The following SH3TC2 variants were observed in gnomAD, a reference collection of about 807,000 sequenced individuals.
SH3TC2 encodes SH3 domain and tetratricopeptide repeats 2.
Under a neutral mutation model 124.5 loss-of-function variants are expected in SH3TC2, and 87 were observed. The ratio of observed to expected loss-of-function variants is 0.70; its 90% confidence interval spans 0.59 to 0.84. SH3TC2 has a LOEUF of 0.84. Among genes scored for constraint, SH3TC2 ranks in the 40% least tolerant of loss-of-function variants. SH3TC2 has a pLI of 0.00. For missense variants in SH3TC2, 1,536 were observed against 1,566.4 expected, an observed-to-expected ratio of 0.98 and a Z score of 0.33; for synonymous variants, 634 against 628.5, an observed-to-expected ratio of 1.01 and a Z score of -0.13.
At chr5:149,025,915 T>C (rs1754054944) in intron 12 of SH3TC2, 1 of 152,476 alleles carries the variant, frequency 6.6e-6, no homozygotes, top group Admixed American at 6.5e-5. Context: ...AAGTCAACAC[T>C]CCTTTTATTC....
At chr5:149,057,885 G>T (rs1051661074) in intron 1 of SH3TC2, among the ~76,000 whole-genome samples, 1 of 152,138 alleles carries the variant, frequency 6.6e-6, no homozygotes. Flanking sequence ...ATCCAACTGG[G>T]TTATGCAGTG....
chr5:149,039,058 C>T lies in SH3TC2; in HGVS notation c.806-568G>A, dbSNP rs1054474583. On this transcript the variant is annotated intron_variant, in intron 7 of 16. Transcript: ENST00000515425. ...AGATACAGTGCACAATGCCTGGTAC[C>T]TGGTCAACCCTCAATAAACATTAGC... is the stretch of plus-strand genomic sequence containing the variant. Among the ~76,000 whole-genome samples the T allele has an allele frequency of 2.0e-5, 3 of 152,220 alleles. No homozygotes were observed. In the East Asian group the frequency reaches 5.8e-4, roughly 29 times the overall value.
rs1051193293 is a variant in SH3TC2 at position 148,986,346 on chromosome 5, A to T, written c.*18365T>A. Among the ~76,000 whole-genome samples, 1 of 152,230 alleles carries T rather than the reference A, an allele frequency of 6.6e-6. No individual in the cohort carries two copies. Among genetic ancestry groups the T allele is most frequent in the Non-Finnish European group, 1.5e-5 (1 of 68,038 alleles). On this transcript the variant is annotated 3_prime_UTR_variant, in exon 17 of 17. Transcript: ENST00000515425. ...AAATCATGTGATTACTAAATGTTAG[A>T]ACTAAAAGAACCTTAGAGATCTTCC...
At chr5:149,059,538 CA>C (rs1437659687) in intron 1 of SH3TC2, among the ~76,000 whole-genome samples, 6 of 151,130 alleles carry the variant, frequency 4.0e-5, no homozygotes, top group African/African-American at 1.2e-4. Context: ...GACCTACCAT[CA>C]GCAGTTTTTA....
chr5:149,008,712 C>T (rs561135143), intron 15 of SH3TC2, 139 bp downstream of exon 15: 59 of 1,234,706 alleles, frequency 4.8e-5, no homozygotes, highest in Middle Eastern at 2.7e-4. Context: ...ACTTGCTTAA[C>T]TAAGGTCTCT....
rs1753764885 is a variant in SH3TC2, at chr5:149,010,405, G to T, written c.3205-13C>A. On this transcript the variant is annotated splice_polypyrimidine_tract_variant and intron_variant, in intron 13 of 16. Coordinates refer to ENST00000515425, the MANE Select transcript of SH3TC2 (RefSeq NM_024577.4). ...TCTGGATGGCTGCCTAGGTGGGACA[G>T]AGACAGCTGTTAAAGGCAGAGAGGA... The T allele has an allele frequency of 6.2e-7, 1 of 1,613,610 alleles. No individual in the cohort carries two copies. Among genetic ancestry groups the T allele is most frequent in the Admixed American group, 1.7e-5 (1 of 60,026 alleles).
At chr5:149,062,000 A>T (rs190306084) in intron 1 of SH3TC2, among the ~76,000 whole-genome samples, 108 of 152,128 alleles carry the variant, frequency 7.1e-4, no homozygotes, top group African/African-American at 2.4e-3. Flanking sequence ...CACTTTAATG[A>T]CCTCAAGTGC....
In SH3TC2 at chr5:149,001,649, G is replaced by A. The variant is rs533711716; in HGVS notation, c.*3062C>T. 6.6e-6 allele frequency: 1 copy of A among 152,250 alleles called. No individual in the cohort carries two copies. The highest frequency in any genetic ancestry group is 2.1e-4 in the South Asian group (1 of 4,822). The allele number at this position is 152,250 out of a possible 1,614,324, so 9.4% of individuals were successfully genotyped here. A position where few individuals can be genotyped will look rare whatever the true frequency, so the allele number is the denominator to read the frequency against. On this transcript the variant is annotated 3_prime_UTR_variant, in exon 17 of 17. Coordinates refer to ENST00000515425, the MANE Select transcript of SH3TC2 (RefSeq NM_024577.4). ...TTAGCAAGCGGTTTACATATAGAAT[G>A]TAGTAATTGCAATTATATAGCACAA... is the stretch of plus-strand genomic sequence containing the variant.
intron 12 of SH3TC2, 117 bp from the exon 13 acceptor site, chr5:149,012,851 G>A (rs1753807435): frequency 1.7e-6 from 2 of 1,200,466 alleles, no homozygotes; most frequent in Non-Finnish European, 2.4e-6. Flanking sequence ...ATCACACAGG[G>A]AGGTGGGCCT....
In SH3TC2 at chr5:149,002,372, A is replaced by G. The variant is rs867660451; in HGVS notation, c.*2339T>C. 1 of 152,688 alleles carries G rather than the reference A, an allele frequency of 6.5e-6. No individual in the cohort carries two copies. The highest frequency in any genetic ancestry group is 1.5e-5 in the Non-Finnish European group (1 of 68,058). 9.5% of individuals were successfully genotyped at this position (152,688 alleles called of 1,614,324 possible). A position where few individuals can be genotyped will look rare whatever the true frequency, so the allele number is the denominator to read the frequency against. On this transcript the variant is annotated 3_prime_UTR_variant, in exon 17 of 17. Transcript: ENST00000515425. ...ACGTCCCTCCCAGCTTGGGGCTTTT[A>G]CAGCTTGTGGTGGGGGCAAAACCAC...
intron 12 of SH3TC2, among the ~76,000 whole-genome samples, chr5:149,014,739 C>T (rs1753842080): frequency 6.6e-6 from 1 of 152,212 alleles, no homozygotes; most frequent in African/African-American, 2.4e-5. Flanking sequence ...TCACCAACCT[C>T]CTCAGCTCAG....
At chr5:149,040,016 T>C (rs1754341608) in intron 7 of SH3TC2, among the ~76,000 whole-genome samples, 1 of 152,182 alleles carries the variant, frequency 6.6e-6, no homozygotes, top group African/African-American at 2.4e-5. Context: ...GTCTAAAAAG[T>C]GTTGGACTTC....
chr5:149,062,688 C>A (rs570685328), intron 1 of SH3TC2, among the ~76,000 whole-genome samples: 46 of 152,342 alleles, frequency 3.0e-4, no homozygotes, highest in African/African-American at 9.9e-4. Context: ...AGGGCTTAGT[C>A]ACACCCTGGG....
intron 16 of SH3TC2, 83 bp from the exon 17 acceptor site, chr5:149,004,985 T>G: frequency 6.6e-7 from 1 of 1,513,456 alleles, no homozygotes; most frequent in Non-Finnish European, 9.1e-7. Flanking sequence ...CTGGCCACTC[T>G]AGTTTTTTTT....
rs1754568045 is a variant in SH3TC2 at position 149,052,146 on chromosome 5, A to G, written c.147T>C (p.Asn49=). 4 of 1,605,708 alleles carry G rather than the reference A, an allele frequency of 2.5e-6. No homozygotes were observed. Among genetic ancestry groups the G allele is most frequent in the South Asian group, 1.1e-5 (1 of 90,918 alleles). ...KEKCFLPQNI[N]PDLTLSFCVK... ...TTGTCTTTGGCATTTGGATACCTGG[A>G]TTAATGTTCTGTGGCAGAAAACATT... Residue 49 remains asparagine (N), a synonymous_variant, in exon 2 of 17, where the codon AAT becomes AAC. Transcript: ENST00000515425.
intron 12 of SH3TC2, among the ~76,000 whole-genome samples, chr5:149,014,749 G>C (rs951798798): frequency 6.6e-6 from 1 of 152,188 alleles, no homozygotes; most frequent in African/African-American, 2.4e-5. Flanking sequence ...CCTCAGCTCA[G>C]CTACAGTAAC....
In SH3TC2 at chr5:149,028,529, C is replaced by T. The variant is rs1410544217; in HGVS notation, c.1203G>A (p.Glu401=). Reference sequence around the variant, plus strand: ...CCTCCCAGGCTCTGCCAGGCCTGACCTCCTTGAAACCTTCAGGCTGGGATG... The same window carrying T: ...CCTCCCAGGCTCTGCCAGGCCTGACTTCCTTGAAACCTTCAGGCTGGGATG... ...LSASQPEGFK[E]VRPGRAWEEH... is the part of the protein sequence containing the mutation. The change falls in exon 11 of 17, where the codon GAG becomes GAA. Residue 401 remains glutamate (E), a synonymous_variant. Transcript: ENST00000515425. 5.0e-6 allele frequency: 8 copies of T among 1,614,024 alleles called. No homozygotes were observed. The East Asian group carries it at 1.6e-4, about 31-fold the overall frequency.
Position 148,983,856 on chromosome 5 carries a change from T to C in SH3TC2, c.*20855A>G, listed in dbSNP as rs1753292200. On this transcript the variant is annotated 3_prime_UTR_variant, in exon 17 of 17. Coordinates refer to ENST00000515425, the MANE Select transcript of SH3TC2 (RefSeq NM_024577.4). Reference sequence around the variant, plus strand: ...AGATGTAAACTTCTGGTCACCACCCTGAAACTGCATGAAGCTTAGGAATGA... The same window carrying C: ...AGATGTAAACTTCTGGTCACCACCCCGAAACTGCATGAAGCTTAGGAATGA... 6.6e-6 allele frequency among the ~76,000 whole-genome samples: 1 copy of C among 152,188 alleles called. No homozygotes were observed. The highest frequency in any genetic ancestry group is 1.5e-5 in the Non-Finnish European group (1 of 68,036).
At position 149,038,477 on chromosome 5, in the gene SH3TC2, A is replaced by G. The variant is rs2127400023; in HGVS notation, c.819T>C (p.Cys273=). 1.2e-6 allele frequency: 2 copies of G among 1,614,048 alleles called. No individual in the cohort carries two copies. Among genetic ancestry groups the G allele is most frequent in the Non-Finnish European group, 1.7e-6 (2 of 1,179,924 alleles). The stretch of plus-strand genomic sequence containing the variant: ...CTGGCTCATAACCCGTCAAGGCCTT[A>G]CAGCGTCCTCTGCCTGTGGAAAATA... ...TGSYQIGRGR[C]KALTGYEPGE... is the part of the protein sequence containing the mutation. The change falls in exon 8 of 17, where the codon TGT becomes TGC. Residue 273 remains cysteine (C), a synonymous_variant. Coordinates refer to ENST00000515425, the MANE Select transcript of SH3TC2 (RefSeq NM_024577.4).
Sources: allele counts gnomAD v4.1 joint callset (sites outside exome capture counted in the v4.1 genomes callset), GRCh38; gene constraint gnomAD v4.1.1; transcripts MANE v1.5; gene names NCBI Gene and HGNC (gene_info 2026-07-23, HGNC 2026-07-21).